Variants in SLC24A3 observed in about 807,000 individuals in gnomAD.
The protein encoded by SLC24A3 is solute carrier family 24 member 3.
A neutral mutation model predicts 75.8 loss-of-function variants in SLC24A3; 28 were observed. That is an observed-to-expected ratio of 0.37 (90% CI 0.27 to 0.51). The LOEUF is 0.51. Ranked by LOEUF, SLC24A3 falls within the 20% of genes least tolerant of loss-of-function variation. The pLI is 0.94. For missense variants in SLC24A3, 663 were observed against 847.8 expected (o/e 0.78, Z 2.71); for synonymous variants, 372 against 334.1 (o/e 1.11, Z -1.24).
chr20:19,259,451 T>C (rs1982916707), intron 1 of SLC24A3, among the ~76,000 whole-genome samples: 1 of 152,222 alleles, frequency 6.6e-6, no homozygotes, highest in South Asian at 2.1e-4. Context: ...ACCAGAGGCC[T>C]TTAATCATAG....
chr20:19,620,218 C>A (rs957796863), intron 6 of SLC24A3, among the ~76,000 whole-genome samples: 4 of 152,174 alleles, frequency 2.6e-5, no homozygotes, highest in African/African-American at 9.7e-5. Context: ...TTTATCAGGG[C>A]AGCTTCCAGC....
At chr20:19,424,911 CCACAAAGGAACTTTATAGGTCTCCT>C (rs1986979440) in intron 2 of SLC24A3, among the ~76,000 whole-genome samples, 1 of 151,882 alleles carries the variant, frequency 6.6e-6, no homozygotes, top group African/African-American at 2.4e-5. Context: ...CTGAATTATC[CCACAAAGGAACTTTATAGGTCTCCT>C]GTTCTTTATG....
chr20:19,617,124 A>G (rs914697065), intron 6 of SLC24A3, among the ~76,000 whole-genome samples: 2 of 152,212 alleles, frequency 1.3e-5, no homozygotes, highest in African/African-American at 2.4e-5. Flanking sequence ...AAAGCAAACA[A>G]TCTTATGAGT....
intron 2 of SLC24A3, among the ~76,000 whole-genome samples, chr20:19,419,367 C>CT (rs113298720): frequency 0.025 from 3,622 of 142,958 alleles, 82 homozygotes; most frequent in Admixed American, 0.079. Context: ...AAGCTAGCTT[C>CT]TTTTTTTTTT....
chr20:19,602,836 G>T (rs1198491187), intron 6 of SLC24A3, among the ~76,000 whole-genome samples: 3 of 152,184 alleles, frequency 2.0e-5, no homozygotes, highest in Non-Finnish European at 4.4e-5. Flanking sequence ...GAGTCAGCAG[G>T]CAGGTGTGTG....
At chr20:19,634,393 T>G (rs191085744) in intron 6 of SLC24A3, among the ~76,000 whole-genome samples, 260 of 152,220 alleles carry the variant, frequency 1.7e-3, no homozygotes, top group African/African-American at 5.9e-3. Context: ...CTAGTTCATT[T>G]AAGGAGGAAA....
intron 10 of SLC24A3, 40 bp from the exon 11 acceptor site, chr20:19,684,136 G>A (rs2032645740): frequency 6.3e-7 from 1 of 1,596,532 alleles, no homozygotes. Context: ...CCTGCTCCTG[G>A]CCTCCATGTT....
At chr20:19,653,846 C>T (rs1025896153) in intron 6 of SLC24A3, among the ~76,000 whole-genome samples, 3 of 152,182 alleles carry the variant, frequency 2.0e-5, no homozygotes, top group Non-Finnish European at 2.9e-5. Flanking sequence ...AGTTGTTTCC[C>T]GCTAACAAAA....
At chr20:19,239,978 T>G (rs1054261550) in intron 1 of SLC24A3, among the ~76,000 whole-genome samples, 2 of 152,162 alleles carry the variant, frequency 1.3e-5, no homozygotes. Flanking sequence ...TTTTCTGTCT[T>G]CCTGCAGGCT....
At chr20:19,244,968 G>A (rs942725343) in intron 1 of SLC24A3, among the ~76,000 whole-genome samples, 2 of 152,176 alleles carry the variant, frequency 1.3e-5, no homozygotes, top group African/African-American at 4.8e-5. Flanking sequence ...GACTGCACAA[G>A]GACAGAAGAC....
intron 3 of SLC24A3, among the ~76,000 whole-genome samples, chr20:19,552,515 C>G (rs2030713246): frequency 6.6e-6 from 1 of 152,170 alleles, no homozygotes; most frequent in African/African-American, 2.4e-5. Flanking sequence ...CCTATTTCCC[C>G]CAAGTTAAGA....
intron 6 of SLC24A3, among the ~76,000 whole-genome samples, chr20:19,602,164 A>C (rs1463022740): frequency 1.3e-5 from 2 of 152,176 alleles, no homozygotes; most frequent in Non-Finnish European, 2.9e-5. Context: ...ACAAGAGCAA[A>C]ACTGTGTCTC....
rs182810402 is a variant in SLC24A3 at position 19,707,677 on chromosome 20, G to C, written c.1719+8997G>C. On this transcript the variant is annotated intron_variant, in intron 15 of 16. Coordinates refer to ENST00000328041, the MANE Select transcript of SLC24A3 (RefSeq NM_020689.4). ...AGATTTTCTGACAGTTGTATGGAGA[G>C]AATGAGAAGGAGAATAATCATAAGT... is the stretch of plus-strand genomic sequence containing the variant. 6.6e-5 allele frequency among the ~76,000 whole-genome samples: 10 copies of C among 152,334 alleles called. No homozygotes were observed. In the East Asian group the frequency reaches 1.3e-3, roughly 21 times the overall value.
At chr20:19,470,009 C>A (rs11698024) in intron 2 of SLC24A3, among the ~76,000 whole-genome samples, 2 of 151,938 alleles carry the variant, frequency 1.3e-5, no homozygotes, top group African/African-American at 2.4e-5. Flanking sequence ...AGCCAGGGAC[C>A]CTTGCTTGAG....
At position 19,212,805 on chromosome 20, in the gene SLC24A3, G is replaced by T; in HGVS notation, c.-38G>T. 1.0e-6 allele frequency: 1 copy of T among 979,186 alleles called. No individual in the cohort carries two copies. Among genetic ancestry groups the T allele is most frequent in the African/African-American group, 1.8e-5 (1 of 56,452 alleles). 60.7% of individuals were successfully genotyped at this position (979,186 alleles called of 1,614,324 possible). ...GCCGCGGCCGCCCGCGACAGGAGCG[G>T]CCGCCGCCCGCCGAGGCCGCCGCCC... On this transcript the variant is annotated 5_prime_UTR_variant, in exon 1 of 17. Coordinates refer to ENST00000328041, the MANE Select transcript of SLC24A3 (RefSeq NM_020689.4).
At chr20:19,444,832 A>AT (rs906955668) in intron 2 of SLC24A3, among the ~76,000 whole-genome samples, 2 of 146,838 alleles carry the variant, frequency 1.4e-5, no homozygotes, top group South Asian at 2.2e-4. Context: ...TCTAATTTTT[A>AT]TTTTTTTTCT....
At chr20:19,617,998 T>G (rs1159359018) in intron 6 of SLC24A3, among the ~76,000 whole-genome samples, 1 of 151,652 alleles carries the variant, frequency 6.6e-6, no homozygotes, top group Non-Finnish European at 1.5e-5. Context: ...TGTTTTTTGT[T>G]TTTTTTTTCC....
intron 3 of SLC24A3, among the ~76,000 whole-genome samples, chr20:19,574,204 T>C (rs2031096152): frequency 6.6e-6 from 1 of 152,230 alleles, no homozygotes; most frequent in Admixed American, 6.5e-5. Context: ...AACATATAAA[T>C]GTGATTTCAG....
chr20:19,634,789 G>A (rs2031979453), intron 6 of SLC24A3, among the ~76,000 whole-genome samples: 1 of 152,038 alleles, frequency 6.6e-6, no homozygotes. Context: ...TTTTCTGTGT[G>A]GTAGAAATGC....
Sources: gnomAD v4.1 joint callset for allele counts (sites outside exome capture counted in the v4.1 genomes callset) on GRCh38, gnomAD v4.1.1 for gene constraint, MANE v1.5 for transcripts, NCBI Gene and HGNC (gene_info 2026-07-23, HGNC 2026-07-21) for gene names.